NEBL: variants seen among roughly 807,000 people sequenced by gnomAD.
The protein encoded by NEBL is LIM and SH3 protein 2.
A neutral mutation model predicts 140.2 loss-of-function variants in NEBL; 122 were observed. The ratio of observed to expected loss-of-function variants is 0.87; its 90% CI spans 0.75 to 1.01. The LOEUF is 1.01. NEBL is among the 50% of genes least tolerant of loss of function. The probability of loss-of-function intolerance (pLI) is 0.00; values close to 1 mark genes in which losing one functional copy is unlikely to be tolerated. For synonymous variants in NEBL, 436 were observed against 398.9 expected (o/e 1.09, Z -1.11); for missense variants, 1,365 against 1,231.3 (o/e 1.11, Z -1.62).
chr10:20,816,192 A>C (rs1285165911), intron 21 of NEBL, among the ~76,000 whole-genome samples: 1 of 152,234 alleles, frequency 6.6e-6, no homozygotes. Context: ...TTCATCCCAT[A>C]AGAGAGTACA....
intron 3 of NEBL, among the ~76,000 whole-genome samples, chr10:21,016,770 T>C (rs1480521972): frequency 6.6e-6 from 1 of 152,192 alleles, no homozygotes; most frequent in East Asian, 1.9e-4. Context: ...TCTAAGGAAA[T>C]GCTCTCATGC....
chr10:20,820,207 T>C (rs1230619790), intron 19 of NEBL, among the ~76,000 whole-genome samples: 1 of 152,162 alleles, frequency 6.6e-6, no homozygotes, highest in East Asian at 1.9e-4. Context: ...CGTTCTAACA[T>C]TGGAAGCCCC....
At chr10:21,150,148 G>T (rs1441901440) in intron 2 of NEBL, among the ~76,000 whole-genome samples, 2 of 151,994 alleles carry the variant, frequency 1.3e-5, no homozygotes, top group Admixed American at 6.6e-5. Context: ...AATAACGAAG[G>T]CCTCACTTTT....
At chr10:21,229,865 G>A (rs930860492) in intron 3 of NEBL, among the ~76,000 whole-genome samples, 52 of 152,344 alleles carry the variant, frequency 3.4e-4, no homozygotes, top group African/African-American at 1.2e-3. Context: ...TAAACCTCAT[G>A]TGGGAGCCTG....
chr10:21,228,159 C>T (rs1842197766), intron 3 of NEBL, among the ~76,000 whole-genome samples: 1 of 150,348 alleles, frequency 6.7e-6, no homozygotes, highest in Non-Finnish European at 1.5e-5. Context: ...TGTTTGTTTG[C>T]TTATTTGTTT....
chr10:20,976,663 G>T (rs1836811397), intron 3 of NEBL, among the ~76,000 whole-genome samples: 1 of 152,084 alleles, frequency 6.6e-6, no homozygotes, highest in South Asian at 2.1e-4. Flanking sequence ...GCAAATTAAT[G>T]TAGAAACAGA....
chr10:21,228,098 T>C (rs898197077), intron 3 of NEBL, among the ~76,000 whole-genome samples: 1 of 152,040 alleles, frequency 6.6e-6, no homozygotes, highest in Non-Finnish European at 1.5e-5. Flanking sequence ...AAAAAGTTAA[T>C]CCAAAGTTTT....
rs200030299 is a variant in NEBL, at chr10:20,829,725, T to TA, written c.1672-1092dup. On this transcript the variant is annotated intron_variant, in intron 16 of 27. Transcript: ENST00000377122. The stretch of plus-strand genomic sequence containing the variant: ...AATTAGATATATTCTCACACCACAC[T>TA]AAAAAAAAATCTATGCTGTTGAGTT... Among the ~76,000 whole-genome samples, 105 of 151,436 alleles carry TA rather than the reference T, an allele frequency of 6.9e-4. 1 individual carries two copies. The East Asian group carries it at 0.011, about 16-fold the overall frequency.
chr10:20,877,249 A>G (rs1276946603), intron 5 of NEBL, among the ~76,000 whole-genome samples: 2 of 152,184 alleles, frequency 1.3e-5, no homozygotes, highest in East Asian at 1.9e-4. Context: ...TCAGAGGTAG[A>G]TATCGTTGTC....
chr10:20,886,632 G>C (rs1303306530), intron 4 of NEBL, among the ~76,000 whole-genome samples: 2 of 152,152 alleles, frequency 1.3e-5, no homozygotes, highest in Non-Finnish European at 2.9e-5. Context: ...TAAAAACCTA[G>C]ACTCTGGGGC....
chr10:21,234,423 C>T (rs771859485), intron 3 of NEBL, among the ~76,000 whole-genome samples: 1 of 152,120 alleles, frequency 6.6e-6, no homozygotes, highest in African/African-American at 2.4e-5. Flanking sequence ...AATTCACCTG[C>T]CTCTCCCACT....
At position 20,809,846 on chromosome 10, in the gene NEBL, C is replaced by T. The variant is rs756960377; in HGVS notation, c.2571G>A (p.Leu857=). 3.7e-6 allele frequency: 6 copies of T among 1,612,158 alleles called. No individual in the cohort carries two copies. In the South Asian group the frequency reaches 6.6e-5, roughly 18 times the overall value. The change falls in exon 25 of 28, where the codon CTG becomes CTA. Residue 857 remains leucine, a synonymous_variant. Transcript: ENST00000377122. ...GACTTCTAGACTGAATATTGTCTTC[C>T]AGGGGATCAAGGTCGAAGATGGAGC... The part of the protein sequence containing the change: ...DPGSIFDLDP[L]EDNIQSRSLH...
At chr10:20,805,571 G>A (rs1266550208) in intron 26 of NEBL, among the ~76,000 whole-genome samples, 1 of 152,060 alleles carries the variant, frequency 6.6e-6, no homozygotes, top group Non-Finnish European at 1.5e-5. Context: ...TCAACTTTTT[G>A]GCCAGGCACA....
chr10:21,270,652 G>GCCA (rs1292175703), intron 1 of NEBL, among the ~76,000 whole-genome samples: 2 of 152,158 alleles, frequency 1.3e-5, no homozygotes, highest in African/African-American at 4.8e-5. Flanking sequence ...ACAGGTGTGA[G>GCCA]CCACCGCGCC....
intron 2 of NEBL, among the ~76,000 whole-genome samples, chr10:21,046,030 T>C (rs1247558392): frequency 6.6e-6 from 1 of 152,150 alleles, no homozygotes; most frequent in East Asian, 1.9e-4. Context: ...CACACGTGTG[T>C]GCACTGGAAT....
At chr10:21,029,554 C>T (rs1833691000) in intron 2 of NEBL, 1 of 1,604,616 alleles carries the variant, frequency 6.2e-7, no homozygotes, top group African/African-American at 1.3e-5. Flanking sequence ...TTCTTTTGGC[C>T]GTGATAGAAA....
chr10:21,011,288 A>G (rs780235751), intron 3 of NEBL, among the ~76,000 whole-genome samples: 5 of 152,222 alleles, frequency 3.3e-5, no homozygotes, highest in Non-Finnish European at 5.9e-5. Context: ...ACAACAGGTC[A>G]GCAACTTATT....
intron 26 of NEBL, among the ~76,000 whole-genome samples, chr10:20,794,830 A>T (rs1836351118): frequency 6.6e-6 from 1 of 152,206 alleles, no homozygotes; most frequent in African/African-American, 2.4e-5. Flanking sequence ...AGTCTCGGGC[A>T]ATTTGGGATG....
At chr10:20,978,754 CA>C (rs60280860) in intron 3 of NEBL, among the ~76,000 whole-genome samples, 7,870 of 133,658 alleles carry the variant, frequency 0.059, 234 homozygotes, top group African/African-American at 0.093. Context: ...GACCCTATCT[CA>C]AAAAAAAAAA....
Sources: gnomAD v4.1 joint callset for allele counts (sites outside exome capture counted in the v4.1 genomes callset) on GRCh38, gnomAD v4.1.1 for gene constraint, MANE v1.5 for transcripts, NCBI Gene and HGNC (gene_info 2026-07-23, HGNC 2026-07-21) for gene names.